Variants in ALDH1A3 observed in about 807,000 individuals in gnomAD.
The protein encoded by ALDH1A3 is aldehyde dehydrogenase 1 family member A3, also known as retinaldehyde dehydrogenase 3.
ALDH1A3 carries 28 observed loss-of-function variants against 57.5 expected under a neutral mutation model. The observed-to-expected ratio is 0.49, with a 90% CI of 0.36 to 0.67. ALDH1A3 has a LOEUF of 0.67. Ranked by LOEUF, ALDH1A3 falls within the 30% of genes least tolerant of loss-of-function variation. The probability of loss-of-function intolerance (pLI) is 0.00; values close to 1 mark genes in which losing one functional copy is unlikely to be tolerated. For synonymous variants in ALDH1A3, 281 were observed against 264.8 expected (o/e 1.06, Z -0.59); for missense variants, 507 against 669.4 (o/e 0.76, Z 2.68).
At chr15:100,891,527 A>T (rs1299708934) in intron 3 of ALDH1A3, among the ~76,000 whole-genome samples, 2 of 152,258 alleles carry the variant, frequency 1.3e-5, no homozygotes, top group East Asian at 3.9e-4. Flanking sequence ...TGGCCAAGTC[A>T]CTGGGCCGTT....
Position 100,892,597 on chromosome 15 carries a change from G to A in ALDH1A3, c.433G>A (p.Ala145Thr). ...CTGTATTAGAACCCTCAGATACTTT[G>A]CAGGGTGGGCAGACAAAATCCAGGG... ...EGCIRTLRYF[A>T]GWADKIQGKT... The change falls in exon 4 of 13, where the codon GCA becomes ACA. Residue 145 changes from alanine (A) to threonine (T), a missense_variant. This residue lies in a region of ALDH1A3 where 432 missense variants were observed against 608.4 expected (regional missense o/e 0.71). Coordinates refer to ENST00000329841, the MANE Select transcript of ALDH1A3 (RefSeq NM_000693.4). 1 of 1,612,870 alleles carries A rather than the reference G, an allele frequency of 6.2e-7. No homozygotes were observed. The highest frequency in any genetic ancestry group is 8.5e-7 in the Non-Finnish European group (1 of 1,179,640).
At chr15:100,882,359 C>T (rs1357883920) in intron 1 of ALDH1A3, among the ~76,000 whole-genome samples, 2 of 152,196 alleles carry the variant, frequency 1.3e-5, no homozygotes, top group African/African-American at 4.8e-5. Context: ...GGATAGAAGT[C>T]CCTTCTAATT....
Position 100,892,356 on chromosome 15 carries a change from G to T in ALDH1A3, c.346-154G>T, listed in dbSNP as rs897475323. 16 of 953,936 alleles carry T rather than the reference G, an allele frequency of 1.7e-5. No homozygotes were observed. The African/African-American group carries it at 2.4e-4, about 14-fold the overall frequency. 59.1% of individuals were successfully genotyped at this position (953,936 alleles called of 1,614,324 possible). On this transcript the variant is annotated intron_variant, in intron 3 of 12. Coordinates refer to ENST00000329841, the MANE Select transcript of ALDH1A3 (RefSeq NM_000693.4). ...CAGAGACAGGCCTCGCTTTACATTT[G>T]GTGTCATGCTTTCTGAAGAGGTGCA... is the stretch of plus-strand genomic sequence containing the variant.
intron 6 of ALDH1A3, chr15:100,895,640 A>G: frequency 2.3e-6 from 1 of 431,074 alleles, no homozygotes; most frequent in Non-Finnish European, 4.3e-6. Flanking sequence ...GGCCACCTTG[A>G]AGCATAACCA....
intron 1 of ALDH1A3, among the ~76,000 whole-genome samples, chr15:100,884,901 C>G (rs2041580700): frequency 6.6e-6 from 1 of 152,088 alleles, no homozygotes; most frequent in Admixed American, 6.6e-5. Flanking sequence ...TGACTCTTCC[C>G]CCAAAGTCTA....
At chr15:100,898,759 A>G (rs965667751) in intron 8 of ALDH1A3, among the ~76,000 whole-genome samples, 2 of 152,244 alleles carry the variant, frequency 1.3e-5, no homozygotes, top group Admixed American at 1.3e-4. Flanking sequence ...CAACCTGCCC[A>G]GCAGTTTGGG....
chr15:100,895,820 C>T (rs754024736), intron 6 of ALDH1A3, 113 bp from the exon 7 acceptor site: 15 of 919,792 alleles, frequency 1.6e-5, no homozygotes, highest in Non-Finnish European at 2.4e-5. Flanking sequence ...AAATCCAGCC[C>T]GGCCCGGGTT....
At chr15:100,900,487 A>G in intron 8 of ALDH1A3, 88 bp from the exon 9 acceptor site, 2 of 1,249,084 alleles carry the variant, frequency 1.6e-6, no homozygotes, top group Non-Finnish European at 2.2e-6. Flanking sequence ...TGTGTGGGCA[A>G]TTAGAATTGC....
intron 8 of ALDH1A3, among the ~76,000 whole-genome samples, chr15:100,900,334 G>C (rs2041753771): frequency 6.6e-6 from 1 of 152,186 alleles, no homozygotes; most frequent in Non-Finnish European, 1.5e-5. Flanking sequence ...CATATTAAAG[G>C]TACTGAGAAG....
chr15:100,900,214 C>T (rs976779234), intron 8 of ALDH1A3, among the ~76,000 whole-genome samples: 2 of 152,138 alleles, frequency 1.3e-5, no homozygotes, highest in African/African-American at 2.4e-5. Flanking sequence ...CAATAATTAC[C>T]GAAGTTTATT....
chr15:100,899,594 G>A (rs745912538), intron 8 of ALDH1A3, among the ~76,000 whole-genome samples: 13 of 152,122 alleles, frequency 8.5e-5, no homozygotes, highest in South Asian at 6.2e-4. Context: ...CTGCCCCTTC[G>A]CCTCACCCCT....
Position 100,893,635 on chromosome 15 carries a change from G to T in ALDH1A3, c.538-319G>T. 1 of 240,008 alleles carries T rather than the reference G, an allele frequency of 4.2e-6. No individual in the cohort carries two copies. Among genetic ancestry groups the T allele is most frequent in the East Asian group, 8.8e-5 (1 of 11,418 alleles). The allele number at this position is 240,008 out of a possible 1,614,324, so 14.9% of individuals were successfully genotyped here. On this transcript the variant is annotated intron_variant, in intron 5 of 12. Transcript: ENST00000329841. The surrounding 1 kb of genome is among the most constrained non-coding windows in gnomAD (Gnocchi z 4.8). ...AGGCAGGAAGCTGAAGAGCCAGGTG[G>T]CAACATGAAGTGAGGGTTCAAAAAG...
intron 6 of ALDH1A3, 143 bp from the exon 7 acceptor site, chr15:100,895,790 A>G: frequency 1.4e-6 from 1 of 696,504 alleles, no homozygotes; most frequent in Non-Finnish European, 2.5e-6. Context: ...CCCACGGTCA[A>G]CTGCTTCTGG....
chr15:100,892,146 G>A (rs2041656505), intron 3 of ALDH1A3: 1 of 236,788 alleles, frequency 4.2e-6, no homozygotes, highest in Admixed American at 6.3e-5. Context: ...ACACACGACT[G>A]GCCACACAGC....
At chr15:100,892,053 T>C (rs2041655288) in intron 3 of ALDH1A3, 1 of 167,922 alleles carries the variant, frequency 6.0e-6, no homozygotes. Context: ...CTTCTCTTTC[T>C]CTTTTGTTCG....
chr15:100,882,831 C>A (rs769605299), intron 1 of ALDH1A3, among the ~76,000 whole-genome samples: 4 of 152,094 alleles, frequency 2.6e-5, no homozygotes, highest in Non-Finnish European at 5.9e-5. Context: ...ATTTATATAC[C>A]CTTTCCTTAT....
rs1193943841 is a variant in ALDH1A3, at chr15:100,916,007, T to C, written c.*1234T>C. Reference sequence around the variant, plus strand: ...TTCAAAAACAAAAACAAATGTGTTATCCGACGGATACTTTTATGGTTACTA... The same window carrying C: ...TTCAAAAACAAAAACAAATGTGTTACCCGACGGATACTTTTATGGTTACTA... On this transcript the variant is annotated 3_prime_UTR_variant, in exon 13 of 13. Coordinates refer to ENST00000329841, the MANE Select transcript of ALDH1A3 (RefSeq NM_000693.4). 6.6e-6 allele frequency: 1 copy of C among 152,246 alleles called. No individual in the cohort carries two copies. Among genetic ancestry groups the C allele is most frequent in the Non-Finnish European group, 1.5e-5 (1 of 68,044 alleles). 9.4% of individuals were successfully genotyped at this position (152,246 alleles called of 1,614,324 possible).
In ALDH1A3 at chr15:100,887,866, C is replaced by T. The variant is rs1429743519; in HGVS notation, c.345+154C>T. Among the ~76,000 whole-genome samples, 1 of 152,154 alleles carries T rather than the reference C, an allele frequency of 6.6e-6. No individual in the cohort carries two copies. The highest frequency in any genetic ancestry group is 1.5e-5 in the Non-Finnish European group (1 of 68,042). On this transcript the variant is annotated intron_variant, in intron 3 of 12. Transcript: ENST00000329841. The surrounding 1 kb of genome is among the most constrained non-coding windows in gnomAD (Gnocchi z 4.6). ...AGACACGGCTCTCTGGCAATACTTGCAGGTGTTAATGCCTCTAGACTGAAT... is the reference window on the plus strand; with the variant it reads ...AGACACGGCTCTCTGGCAATACTTGTAGGTGTTAATGCCTCTAGACTGAAT...
rs192785797 is a variant in ALDH1A3 at position 100,916,306 on chromosome 15, A to T, written c.*1533A>T. On this transcript the variant is annotated 3_prime_UTR_variant, in exon 13 of 13. Coordinates refer to ENST00000329841, the MANE Select transcript of ALDH1A3 (RefSeq NM_000693.4). ...TATTTTATCTCAAGTAGATATAGAC[A>T]CTAACCTTGATAGTGATACGTTAGA... 1 of 152,442 alleles carries T rather than the reference A, an allele frequency of 6.6e-6. No homozygotes were observed. The highest frequency in any genetic ancestry group is 1.9e-4 in the East Asian group (1 of 5,190). 9.4% of individuals were successfully genotyped at this position (152,442 alleles called of 1,614,324 possible).
Sources: allele counts gnomAD v4.1 joint callset (sites outside exome capture counted in the v4.1 genomes callset), GRCh38; gene constraint gnomAD v4.1.1; regional missense constraint gnomAD v4.1.1; non-coding constraint Gnocchi (gnomAD v3.1); transcripts MANE v1.5; gene names NCBI Gene and HGNC (gene_info 2026-07-23, HGNC 2026-07-21).